Variants in STAC observed in about 807,000 individuals in gnomAD.
STAC encodes the protein SH3 and cysteine rich domain, also known as SH3 and cysteine-rich domain-containing protein.
Under a neutral mutation model 48.8 loss-of-function variants are expected in STAC, and 43 were observed. The ratio of observed to expected loss-of-function variants is 0.88; its 90% CI spans 0.69 to 1.14. STAC has a LOEUF of 1.14. Ranked by LOEUF, STAC falls within the 50% of genes most tolerant of loss-of-function variation. STAC has a pLI of 0.00. For synonymous variants in STAC, 193 were observed against 179.5 expected, an observed-to-expected ratio of 1.07 and a Z score of -0.60; for missense variants, 497 against 504.0, an observed-to-expected ratio of 0.99 and a Z score of 0.13.
At position 36,543,621 on chromosome 3, in the gene STAC, C is replaced by A. The variant is rs1414963918; in HGVS notation, c.1111-2570C>A. On this transcript the variant is annotated intron_variant, in intron 10 of 10. Transcript: ENST00000273183. The stretch of plus-strand genomic sequence containing the variant: ...AAAGAGAAGAGAAAAAAGCAAAGGT[C>A]TATCTTATATATAGGCACATATTTG... Among the ~76,000 whole-genome samples, 4 of 152,190 alleles carry A rather than the reference C, an allele frequency of 2.6e-5. No individual in the cohort carries two copies. The East Asian group carries it at 7.7e-4, about 29-fold the overall frequency.
At chr3:36,492,662 G>T (rs1416251226) in intron 5 of STAC, among the ~76,000 whole-genome samples, 2 of 152,108 alleles carry the variant, frequency 1.3e-5, no homozygotes, top group Admixed American at 1.3e-4. Context: ...AAGAGAGTCA[G>T]GATACATATT....
intron 10 of STAC, among the ~76,000 whole-genome samples, chr3:36,545,272 T>C (rs1184691698): frequency 6.6e-6 from 1 of 152,216 alleles, no homozygotes; most frequent in Non-Finnish European, 1.5e-5. Flanking sequence ...GTGAGACAAT[T>C]CTGTGATGCA....
intron 1 of STAC, among the ~76,000 whole-genome samples, chr3:36,403,850 G>C (rs529958005): frequency 1.3e-5 from 2 of 152,044 alleles, no homozygotes; most frequent in Non-Finnish European, 2.9e-5. Context: ...CCAATACTGA[G>C]TCATTTGAAT....
chr3:36,503,363 C>T (rs538644405), intron 6 of STAC, among the ~76,000 whole-genome samples: 2 of 152,218 alleles, frequency 1.3e-5, no homozygotes, highest in African/African-American at 2.4e-5. Flanking sequence ...CCATCAGGAA[C>T]CTCCCACAGC....
At chr3:36,505,870 T>C in intron 8 of STAC, 36 bp downstream of exon 8, 2 of 1,441,028 alleles carry the variant, frequency 1.4e-6, no homozygotes, top group South Asian at 1.2e-5. Flanking sequence ...AAGAGTAAAA[T>C]TTTAAAGTCA....
chr3:36,411,156 C>T (rs1307024543), intron 1 of STAC, among the ~76,000 whole-genome samples: 1 of 152,212 alleles, frequency 6.6e-6, no homozygotes, highest in African/African-American at 2.4e-5. Flanking sequence ...CTAAGAAATC[C>T]TGTAGACTAC....
Position 36,463,632 on chromosome 3 carries a change from T to C in STAC, c.389-19360T>C, listed in dbSNP as rs148069423. On this transcript the variant is annotated intron_variant, in intron 2 of 10. Coordinates refer to ENST00000273183, the MANE Select transcript of STAC (RefSeq NM_003149.3). ...GAACCCATTAACTCGTCATTCAACA[T>C]TAGGTATATCTCCAAATGCTATCCC... 6.3e-3 allele frequency among the ~76,000 whole-genome samples: 959 copies of C among 151,170 alleles called. 14 individuals carry two copies. The highest frequency in any genetic ancestry group is 0.021 in the African/African-American group (879 of 41,170).
chr3:36,389,326 G>A (rs1699702159), intron 1 of STAC, among the ~76,000 whole-genome samples: 1 of 152,134 alleles, frequency 6.6e-6, no homozygotes, highest in African/African-American at 2.4e-5. Context: ...GTTTATAGAT[G>A]GAATCCTGTA....
chr3:36,487,147 A>G (rs995657953), intron 5 of STAC, among the ~76,000 whole-genome samples: 2 of 152,220 alleles, frequency 1.3e-5, no homozygotes, highest in African/African-American at 4.8e-5. Flanking sequence ...GTTCTCAGAG[A>G]CTGAGTTGAA....
chr3:36,452,315 T>C (rs541894847), intron 2 of STAC, among the ~76,000 whole-genome samples: 9 of 152,360 alleles, frequency 5.9e-5, no homozygotes, highest in African/African-American at 2.2e-4. Flanking sequence ...CTATTTATAA[T>C]TGCCTTTTGT....
At chr3:36,405,005 CTAATA>C (rs1443608680) in intron 1 of STAC, among the ~76,000 whole-genome samples, 6 of 152,028 alleles carry the variant, frequency 3.9e-5, no homozygotes, top group African/African-American at 1.5e-4. Flanking sequence ...TTGTGCCATC[CTAATA>C]TATTATCTGA....
intron 1 of STAC, among the ~76,000 whole-genome samples, chr3:36,432,888 T>C (rs1192587127): frequency 2.0e-5 from 3 of 152,206 alleles, no homozygotes; most frequent in Admixed American, 1.3e-4. Flanking sequence ...TAGGGTTAGC[T>C]TGACAATCAA....
chr3:36,409,715 T>G (rs978324487), intron 1 of STAC: 1 of 152,226 alleles, frequency 6.6e-6, no homozygotes, highest in Admixed American at 6.5e-5. Context: ...TGCATTAAAT[T>G]ATCAAGGTAA....
chr3:36,481,330 A>G (rs1207407084), intron 2 of STAC, among the ~76,000 whole-genome samples: 1 of 152,232 alleles, frequency 6.6e-6, no homozygotes, highest in Admixed American at 6.5e-5. Flanking sequence ...GAACCTGCTG[A>G]AAGATGTTTA....
rs78660353 is a variant in STAC at position 36,504,510 on chromosome 3, T to G, written c.831+53T>G. ...TCAGACAGGAGTCCTTAGATAGACCTGCAGGTCACCATCCAAGTGGGTCAT... is the reference window on the plus strand; with the variant it reads ...TCAGACAGGAGTCCTTAGATAGACCGGCAGGTCACCATCCAAGTGGGTCAT... On this transcript the variant is annotated intron_variant, in intron 7 of 10. Transcript: ENST00000273183. 3.4e-4 allele frequency: 516 copies of G among 1,521,870 alleles called. 2 individuals are homozygous for G. The African/African-American group carries it at 6.1e-3, about 18-fold the overall frequency. The allele number at this position is 1,521,870 out of a possible 1,614,324, so 94.3% of individuals were successfully genotyped here.
At chr3:36,537,353 C>T (rs1247929960) in intron 10 of STAC, among the ~76,000 whole-genome samples, 1 of 152,120 alleles carries the variant, frequency 6.6e-6, no homozygotes, top group Non-Finnish European at 1.5e-5. Context: ...CCATAGAATA[C>T]TATGCAGCCA....
At chr3:36,523,384 T>A (rs1698850947) in intron 8 of STAC, among the ~76,000 whole-genome samples, 1 of 152,228 alleles carries the variant, frequency 6.6e-6, no homozygotes, top group African/African-American at 2.4e-5. Flanking sequence ...GAATTGTTTA[T>A]GAATTGCATT....
At chr3:36,398,320 C>CAAGCAAGCAAGCAAGA in intron 1 of STAC, among the ~76,000 whole-genome samples, 1 of 82,170 alleles carries the variant, frequency 1.2e-5, no homozygotes, top group East Asian at 2.9e-4. Flanking sequence ...AGAAAGAAAG[C>CAAGCAAGCAAGCAAGA]AAGAAAGAAA....
chr3:36,507,268 C>G (rs558809067), intron 8 of STAC, among the ~76,000 whole-genome samples: 13 of 152,160 alleles, frequency 8.5e-5, no homozygotes, highest in Non-Finnish European at 1.8e-4. Flanking sequence ...CCAGATGAAG[C>G]TGACTTGATC....
Sources: gnomAD v4.1 joint callset for allele counts (sites outside exome capture counted in the v4.1 genomes callset) on GRCh38, gnomAD v4.1.1 for gene constraint, MANE v1.5 for transcripts, NCBI Gene and HGNC (gene_info 2026-07-23, HGNC 2026-07-21) for gene names.